Variants in NOS1 observed in about 807,000 individuals in gnomAD.
NOS1 encodes the protein nitric oxide synthase 1, also known as NOS type I.
Under a neutral mutation model 164.5 loss-of-function variants are expected in NOS1, and 51 were observed. The observed-to-expected ratio is 0.31, with a 90% CI of 0.25 to 0.39. The LOEUF (loss-of-function observed/expected upper bound fraction) is 0.39. Among genes scored for constraint, NOS1 ranks in the 10% least tolerant of loss-of-function variants. The probability of loss-of-function intolerance (pLI) is 1.00; values close to 1 mark genes in which losing one functional copy is unlikely to be tolerated. For missense variants in NOS1, 1,362 were observed against 1,885.6 expected, an observed-to-expected ratio of 0.72 and a Z score of 5.14; for synonymous variants, 719 against 745.8, an observed-to-expected ratio of 0.96 and a Z score of 0.59.
intron 3 of NOS1, among the ~76,000 whole-genome samples, chr12:117,295,325 G>C (rs1873336454): frequency 6.6e-6 from 1 of 152,130 alleles, no homozygotes; most frequent in African/African-American, 2.4e-5. Flanking sequence ...AGAATATTTT[G>C]TGACACACAA....
Position 117,361,485 on chromosome 12 carries a change from GGCGCCCCGCGC to G in NOS1, c.-421+16_-421+26del. The G allele has an allele frequency of 6.6e-6, 1 of 151,538 alleles. No homozygotes were observed. Among genetic ancestry groups the G allele is most frequent in the African/African-American group, 2.4e-5 (1 of 41,286 alleles). 9.4% of individuals were successfully genotyped at this position (151,538 alleles called of 1,614,324 possible). A position where few individuals can be genotyped will look rare whatever the true frequency, so the allele number is the denominator to read the frequency against. ...TGCGGGCTTCCCCGGCGCAGTGCTG[GGCGCCCCGCGC>G]GCGCCCCTGGCTCACCCCGTCCGCT... is the stretch of plus-strand genomic sequence containing the variant. On this transcript the variant is annotated intron_variant, in intron 1 of 28. Transcript: ENST00000317775.
chr12:117,338,519 C>T (rs896258965), intron 1 of NOS1, among the ~76,000 whole-genome samples: 3 of 150,916 alleles, frequency 2.0e-5, no homozygotes, highest in African/African-American at 7.3e-5. Flanking sequence ...TGCTAAATGA[C>T]GAGTTAATGG....
chr12:117,325,424 T>C (rs896707087), intron 2 of NOS1, among the ~76,000 whole-genome samples: 2 of 152,058 alleles, frequency 1.3e-5, no homozygotes, highest in African/African-American at 4.8e-5. Flanking sequence ...TAGTTTTGGT[T>C]GTTACAAGGA....
chr12:117,283,904 A>G (rs756943185), intron 7 of NOS1, among the ~76,000 whole-genome samples: 74 of 151,076 alleles, frequency 4.9e-4, no homozygotes, highest in Non-Finnish European at 8.6e-4. Context: ...GAGCCCATAA[A>G]CTCTTTGAGG....
chr12:117,212,374 G>GA lies in NOS1; in HGVS notation c.*2934dup. 2.0e-6 allele frequency: 2 copies of GA among 985,368 alleles called. No individual in the cohort carries two copies. Among genetic ancestry groups the GA allele is most frequent in the Non-Finnish European group, 2.4e-6 (2 of 829,932 alleles). The allele number at this position is 985,368 out of a possible 1,614,324, so 61.0% of individuals were successfully genotyped here. On this transcript the variant is annotated 3_prime_UTR_variant, in exon 29 of 29. Coordinates refer to ENST00000317775, the MANE Select transcript of NOS1 (RefSeq NM_000620.5). ...AGGTCGGCTCCCAAAATTCCATATTGATGGGTCTGAAGTGTCCCCCCGCAA... is the reference window on the plus strand; with the variant it reads ...AGGTCGGCTCCCAAAATTCCATATTGAATGGGTCTGAAGTGTCCCCCCGCAA...
At chr12:117,336,395 A>G (rs1875821485) in intron 1 of NOS1, among the ~76,000 whole-genome samples, 1 of 152,212 alleles carries the variant, frequency 6.6e-6, no homozygotes, top group South Asian at 2.1e-4. Context: ...CTCATTCAAC[A>G]TGGACCAGCC....
chr12:117,208,695 C>T lies in NOS1; in HGVS notation c.*6614G>A. 1.9e-6 allele frequency: 2 copies of T among 1,043,846 alleles called. No individual in the cohort carries two copies. Among genetic ancestry groups the T allele is most frequent in the Non-Finnish European group, 2.3e-6 (2 of 865,690 alleles). The allele number at this position is 1,043,846 out of a possible 1,614,324, so 64.7% of individuals were successfully genotyped here. ...CCAAGGACACAGTGTCTTATTGAAA[C>T]AGACTGCCATCCTCTGTTCTGGCAT... On this transcript the variant is annotated 3_prime_UTR_variant, in exon 29 of 29. Transcript: ENST00000317775.
chr12:117,220,985 A>C (rs1289927701), intron 26 of NOS1, among the ~76,000 whole-genome samples: 1 of 150,748 alleles, frequency 6.6e-6, no homozygotes, highest in Non-Finnish European at 1.5e-5. Flanking sequence ...CACTGCCCGG[A>C]CTCTCTGAGT....
chr12:117,310,194 G>T (rs972464306), intron 3 of NOS1, among the ~76,000 whole-genome samples: 17 of 152,080 alleles, frequency 1.1e-4, no homozygotes, highest in Admixed American at 7.2e-4. Flanking sequence ...GGCGTGAGCC[G>T]CCATGCCTGG....
chr12:117,353,315 T>G (rs1405735076), intron 1 of NOS1, among the ~76,000 whole-genome samples: 1 of 152,176 alleles, frequency 6.6e-6, no homozygotes, highest in Non-Finnish European at 1.5e-5. Flanking sequence ...ATCATCTATC[T>G]ACCTACCTAC....
chr12:117,299,932 T>G (rs1053256806), intron 3 of NOS1, among the ~76,000 whole-genome samples: 1 of 152,152 alleles, frequency 6.6e-6, no homozygotes, highest in African/African-American at 2.4e-5. Flanking sequence ...ATATATACAC[T>G]AGGAATTAAT....
intron 1 of NOS1, among the ~76,000 whole-genome samples, chr12:117,332,675 G>T (rs2136076621): frequency 6.6e-6 from 1 of 152,270 alleles, no homozygotes; most frequent in African/African-American, 2.4e-5. Flanking sequence ...GACCAGCCTG[G>T]CCAACATGGT....
chr12:117,226,194 G>C (rs565199404), intron 24 of NOS1, among the ~76,000 whole-genome samples: 1 of 152,328 alleles, frequency 6.6e-6, no homozygotes, highest in Non-Finnish European at 1.5e-5. Flanking sequence ...TGTTCAGGTA[G>C]AGAAGTTATT....
chr12:117,334,080 G>A (rs904478705), intron 1 of NOS1, among the ~76,000 whole-genome samples: 2 of 152,198 alleles, frequency 1.3e-5, no homozygotes, highest in East Asian at 1.9e-4. Flanking sequence ...GGACAGAGGC[G>A]GGAATTAGCC....
intron 20 of NOS1, among the ~76,000 whole-genome samples, chr12:117,241,282 A>G (rs1209618639): frequency 6.6e-6 from 1 of 151,854 alleles, no homozygotes; most frequent in Non-Finnish European, 1.5e-5. Flanking sequence ...ATTAGTTCCC[A>G]TTGAATGGAA....
At chr12:117,253,314 C>A (rs1871224841) in intron 17 of NOS1, among the ~76,000 whole-genome samples, 1 of 152,028 alleles carries the variant, frequency 6.6e-6, no homozygotes, top group African/African-American at 2.4e-5. Context: ...TACACCGTAG[C>A]TATTGGGAAG....
chr12:117,349,244 C>T (rs548239982), intron 1 of NOS1, among the ~76,000 whole-genome samples: 1 of 152,224 alleles, frequency 6.6e-6, no homozygotes, highest in Non-Finnish European at 1.5e-5. Flanking sequence ...TGGCTTCTTT[C>T]ACTCAGCATC....
chr12:117,359,876 TTATATATATATATATATA>T (rs56787288), intron 1 of NOS1, among the ~76,000 whole-genome samples: 433 of 36,930 alleles, frequency 0.012, 16 homozygotes, highest in Non-Finnish European at 0.013. Context: ...AATAATGGTT[TTATATATATATATATATA>T]TATATATATA....
At chr12:117,280,271 A>G (rs1415532907) in intron 8 of NOS1, among the ~76,000 whole-genome samples, 2 of 152,192 alleles carry the variant, frequency 1.3e-5, no homozygotes, top group African/African-American at 4.8e-5. Flanking sequence ...GGGTGGCTCA[A>G]ATTGTTGTAT....
Sources: gnomAD v4.1 joint callset for allele counts (sites outside exome capture counted in the v4.1 genomes callset) on GRCh38, gnomAD v4.1.1 for gene constraint, MANE v1.5 for transcripts, NCBI Gene and HGNC (gene_info 2026-07-23, HGNC 2026-07-21) for gene names.